Variants in ADGRD2 observed in about 807,000 individuals in gnomAD.
ADGRD2 encodes the protein G protein-coupled receptor PGR24.
ADGRD2 carries 71 observed loss-of-function variants against 44.4 expected under a neutral mutation model. The observed-to-expected ratio is 1.60, with a 90% CI of 1.32 to 1.95. The LOEUF is 1.95. Ranked by LOEUF, ADGRD2 falls within the 30% of genes most tolerant of loss-of-function variation. ADGRD2 has a pLI of 0.00. For missense variants in ADGRD2, 1,039 were observed against 512.4 expected, an observed-to-expected ratio of 2.03 and a Z score of -9.92; for synonymous variants, 481 against 224.8, an observed-to-expected ratio of 2.14 and a Z score of -10.19.
chr9:124,452,469 C>T lies in ADGRD2; in HGVS notation c.69-41C>T, dbSNP rs148692295. On this transcript the variant is annotated intron_variant, in intron 1 of 21. Transcript: ENST00000334810. ...GCCCAGCCCTGGAAGAGTCAGATGC[C>T]CACAAAATGCACCCCCCACCGTCTC... 8.0e-4 allele frequency: 576 copies of T among 717,956 alleles called. 1 individual carries two copies. In the African/African-American group the frequency reaches 8.6e-3, roughly 11 times the overall value. The allele number at this position is 717,956 out of a possible 1,614,324, so 44.5% of individuals were successfully genotyped here. A position where few individuals can be genotyped will look rare whatever the true frequency, so the allele number is the denominator to read the frequency against.
chr9:124,461,614 G>A (rs1221014831), intron 10 of ADGRD2, among the ~76,000 whole-genome samples: 2 of 151,958 alleles, frequency 1.3e-5, no homozygotes, highest in Non-Finnish European at 2.9e-5. Flanking sequence ...TTTCTGGGCT[G>A]TGTGTTCTGT....
chr9:124,462,336 T>G (rs1831737544), intron 10 of ADGRD2, among the ~76,000 whole-genome samples: 1 of 152,208 alleles, frequency 6.6e-6, no homozygotes, highest in Admixed American at 6.5e-5. Context: ...CCCAAAGTGC[T>G]GGGATTACAG....
At position 124,456,707 on chromosome 9, in the gene ADGRD2, G is replaced by A. The variant is rs115274677; in HGVS notation, c.1481G>A (p.Arg494Gln). Residue 494 changes from arginine to glutamine, a missense_variant, in exon 7 of 22, where the codon CGA (arginine) becomes CAA (glutamine). Physicochemically the swap from Arg to Gln is conservative, Grantham distance 43. Coordinates refer to ENST00000334810, the Ensembl canonical transcript of ADGRD2. ...ACCTCAATGACCTCAGAGCGGCCCCGAATGCGCATCCAGCACCGCCATGCT... is the reference window on the plus strand; with the variant it reads ...ACCTCAATGACCTCAGAGCGGCCCCAAATGCGCATCCAGCACCGCCATGCT... 7.2e-3 allele frequency: 5,125 copies of A among 711,750 alleles called. 95 individuals are homozygous for A. The highest frequency in any genetic ancestry group is 0.052 in the African/African-American group (2,977 of 57,342). The allele number at this position is 711,750 out of a possible 1,614,324, so 44.1% of individuals were successfully genotyped here.
exon 8 of ADGRD2, chr9:124,457,484 G>A (rs1314309317): frequency 1.1e-5 from 7 of 643,758 alleles, no homozygotes; most frequent in African/African-American, 1.8e-5. Context: ...CTGGAGGTGC[G>A]GAGCTTACGC....
At chr9:124,451,045 C>G, upstream of ADGRD2, 1 of 471,666 alleles carries the variant, frequency 2.1e-6, no homozygotes, top group Non-Finnish European at 4.4e-6. Context: ...CCAGCCGGAA[C>G]CACAAGCTGA....
chr9:124,470,658 C>G, intron 17 of ADGRD2, 44 bp downstream of exon 20: 2 of 683,004 alleles, frequency 2.9e-6, no homozygotes, highest in Non-Finnish European at 5.4e-6. Context: ...CTGACATGCA[C>G]GAAAGCTCAG....
At chr9:124,468,228 C>T (rs1362994876) in intron 13 of ADGRD2, 38 bp downstream of exon 16, 4 of 717,710 alleles carry the variant, frequency 5.6e-6, no homozygotes, top group Non-Finnish European at 1.0e-5. Context: ...CCCGGGGAAG[C>T]CTGGGAAAGT....
chr9:124,452,314 C>G (rs1253603168), intron 1 of ADGRD2, 160 bp downstream of exon 4: 24 of 635,946 alleles, frequency 3.8e-5, no homozygotes, highest in South Asian at 3.2e-4. Context: ...CACTGGTTTC[C>G]GTCTCATTCC....
intron 12 of ADGRD2, 125 bp from the exon 16 acceptor site, chr9:124,467,963 C>A: frequency 4.3e-6 from 3 of 701,926 alleles, no homozygotes; most frequent in Non-Finnish European, 8.0e-6. Flanking sequence ...TGTGCTGGGT[C>A]CCCTGTGGAG....
upstream of ADGRD2, among the ~76,000 whole-genome samples, chr9:124,450,492 G>A (rs1280261542): frequency 6.6e-6 from 1 of 152,244 alleles, no homozygotes; most frequent in Non-Finnish European, 1.5e-5. Flanking sequence ...GGCCACAGGC[G>A]CCAGGCCAGC....
At chr9:124,456,641 C>A in exon 7 of ADGRD2, 1 of 718,046 alleles carries the variant, frequency 1.4e-6, no homozygotes, top group Admixed American at 2.0e-5. Flanking sequence ...GGGCCTATGG[C>A]CCTGGTGGCG....
chr9:124,466,582 G>T (rs569330426), intron 11 of ADGRD2, 169 bp downstream of exon 14: 5 of 448,936 alleles, frequency 1.1e-5, no homozygotes, highest in Non-Finnish European at 2.0e-5. Context: ...CACTTTGGGC[G>T]GCTGATCACT....
At chr9:124,468,319 G>A (rs1429652240) in intron 13 of ADGRD2, 129 bp downstream of exon 16, 10 of 683,554 alleles carry the variant, frequency 1.5e-5, no homozygotes, top group South Asian at 3.2e-5. Flanking sequence ...AGCAGGGCCC[G>A]GGGAGGAGCA....
At chr9:124,476,637 A>C (rs1366554310) in intron 20 of ADGRD2, 42 bp from the exon 24 acceptor site, 3 of 690,066 alleles carry the variant, frequency 4.3e-6, no homozygotes, top group Non-Finnish European at 7.9e-6. Context: ...GGGGCAGCAG[A>C]AGGAGTGGGG....
At chr9:124,478,344 C>T (rs894319319) in exon 22 of ADGRD2, 2 of 152,422 alleles carry the variant, frequency 1.3e-5, no homozygotes, top group African/African-American at 4.8e-5. Flanking sequence ...TGCTGGGACC[C>T]CAGACCCCAG....
At chr9:124,476,559 G>A in intron 20 of ADGRD2, 120 bp from the exon 24 acceptor site, 1 of 640,800 alleles carries the variant, frequency 1.6e-6, no homozygotes, top group South Asian at 1.7e-5. Context: ...GGGCTGAAGG[G>A]CCCAGGGAGG....
chr9:124,461,344 A>G (rs566953751), intron 10 of ADGRD2, among the ~76,000 whole-genome samples: 9 of 152,314 alleles, frequency 5.9e-5, no homozygotes, highest in Middle Eastern at 3.4e-3. Context: ...TGCTTTTTGT[A>G]TACTATCTAA....
intron 10 of ADGRD2, among the ~76,000 whole-genome samples, chr9:124,463,893 G>A (rs1217250064): frequency 6.6e-6 from 1 of 151,810 alleles, no homozygotes; most frequent in African/African-American, 2.4e-5. Flanking sequence ...GCTGGAGTGC[G>A]GTGGCACCAT....
upstream of ADGRD2, chr9:124,452,008 A>ACCCCC: frequency 7.6e-6 from 1 of 130,786 alleles, no homozygotes; most frequent in Non-Finnish European, 1.6e-5. Flanking sequence ...CCCCCCTCCC[A>ACCCCC]CCCACCCCCA....
Sources: gnomAD v4.1 joint callset for allele counts (sites outside exome capture counted in the v4.1 genomes callset) on GRCh38, gnomAD v4.1.1 for gene constraint, MANE v1.5 for transcripts, NCBI Gene and HGNC (gene_info 2026-07-23, HGNC 2026-07-21) for gene names.